Variants in NIBAN3 observed in about 807,000 individuals in gnomAD.
NIBAN3 encodes protein Niban 3.
A neutral mutation model predicts 76.4 loss-of-function variants in NIBAN3; 66 were observed. The ratio of observed to expected loss-of-function variants is 0.86; its 90% CI spans 0.71 to 1.06. The LOEUF is 1.06. NIBAN3 is among the 50% of genes least tolerant of loss of function. NIBAN3 has a pLI of 0.00. For missense variants in NIBAN3, 808 were observed against 810.7 expected, an observed-to-expected ratio of 1.00 and a Z score of 0.04; for synonymous variants, 360 against 355.2, an observed-to-expected ratio of 1.01 and a Z score of -0.15.
chr19:17,551,666 C>T (rs898781096), intron 14 of NIBAN3, 120 bp from the exon 15 acceptor site: 1 of 550,018 alleles, frequency 1.8e-6, no homozygotes, highest in Non-Finnish European at 3.4e-6. Flanking sequence ...GCTGGGATTA[C>T]AGGCATGAGC....
intron 1 of NIBAN3, among the ~76,000 whole-genome samples, chr19:17,530,531 CAAAAAAAA>C (rs558680407): frequency 8.6e-5 from 4 of 46,362 alleles, no homozygotes; most frequent in Non-Finnish European, 1.4e-4. Context: ...GACTCCATCT[CAAAAAAAA>C]AAAAAAAAAA....
rs370554838 is a variant in NIBAN3 at position 17,540,592 on chromosome 19, C to A, written c.1170+10C>A. The A allele has an allele frequency of 6.6e-5, 98 of 1,475,068 alleles. No homozygotes were observed. In the African/African-American group the frequency reaches 1.2e-3, roughly 18 times the overall value. 91.4% of individuals were successfully genotyped at this position (1,475,068 alleles called of 1,614,324 possible). ...GCGGCTGCGCAGGGAGGTGAGCTCCCGTGGGTAGGGGTTCAGTGAGCCAGA... is the reference window on the plus strand; with the variant it reads ...GCGGCTGCGCAGGGAGGTGAGCTCCAGTGGGTAGGGGTTCAGTGAGCCAGA... On this transcript the variant is annotated intron_variant, in intron 9 of 14. Transcript: ENST00000599164.
chr19:17,532,832 G>T (rs951333805), intron 3 of NIBAN3, among the ~76,000 whole-genome samples: 1 of 152,210 alleles, frequency 6.6e-6, no homozygotes, highest in South Asian at 2.1e-4. Flanking sequence ...TGGGGAGCCC[G>T]TGGGTGCTGG....
At chr19:17,551,519 T>C (rs2076156553) in intron 14 of NIBAN3, among the ~76,000 whole-genome samples, 2 of 152,022 alleles carry the variant, frequency 1.3e-5, no homozygotes. Flanking sequence ...GCGATTCTCA[T>C]GCCTCAGCCT....
rs1443741786 is a variant in NIBAN3, at chr19:17,539,400, C to A, written c.765C>A (p.Thr255=). Reference sequence around the variant, plus strand: ...AACTTCCCGCGCTGCGAGCCCAGACCCTTCCTGGCCTGCGGGGGGCAGGCC... The same window carrying A: ...AACTTCCCGCGCTGCGAGCCCAGACACTTCCTGGCCTGCGGGGGGCAGGCC... The part of the protein sequence containing the change: ...REQLPALRAQ[T]LPGLRGAGRA... The change falls in exon 7 of 15, where the codon ACC becomes ACA. Residue 255 remains threonine (T), a synonymous_variant. Transcript: ENST00000599164. 5.2e-6 allele frequency: 8 copies of A among 1,533,440 alleles called. No homozygotes were observed. The African/African-American group carries it at 5.5e-5, about 11-fold the overall frequency. The allele number at this position is 1,533,440 out of a possible 1,614,324, so 95.0% of individuals were successfully genotyped here.
At chr19:17,539,886 G>T in intron 8 of NIBAN3, 121 bp downstream of exon 8, 1 of 742,312 alleles carries the variant, frequency 1.3e-6, no homozygotes, top group Admixed American at 3.0e-5. Context: ...TCAGAGAGGG[G>T]CGGGGCCAAG....
chr19:17,531,523 A>G (rs1001060599), intron 2 of NIBAN3, among the ~76,000 whole-genome samples: 3 of 152,080 alleles, frequency 2.0e-5, no homozygotes, highest in Non-Finnish European at 4.4e-5. Flanking sequence ...TTAGCATATC[A>G]TGATGTGGAA....
intron 2 of NIBAN3, among the ~76,000 whole-genome samples, chr19:17,531,768 A>G (rs1421792497): frequency 2.0e-5 from 3 of 152,086 alleles, no homozygotes; most frequent in African/African-American, 7.2e-5. Context: ...TCCTGACCTC[A>G]AGTGATCTCC....
upstream of NIBAN3, among the ~76,000 whole-genome samples, chr19:17,525,289 T>A (rs2075593046): frequency 6.6e-6 from 1 of 152,180 alleles, no homozygotes; most frequent in Non-Finnish European, 1.5e-5. Flanking sequence ...TGATCACATT[T>A]CCGCTTGGAG....
chr19:17,534,641 A>G (rs2075790990), intron 4 of NIBAN3, among the ~76,000 whole-genome samples: 1 of 152,126 alleles, frequency 6.6e-6, no homozygotes, highest in African/African-American at 2.4e-5. Flanking sequence ...AATACAAAAA[A>G]TTAGCCAGTT....
rs779217654 is a variant in NIBAN3 at position 17,539,161 on chromosome 19, A to C, written c.607A>C (p.Ser203Arg). Reference protein sequence around the residue: ...IRLQGIVLQRSQAPAARAFLD... With the variant: ...IRLQGIVLQRRQAPAARAFLD... ...GCAGCCCCTCTCAGTCCTGCAGCGA[A>C]GCCAGGCCCCTGCTGCCCGGGCCTT... The change falls in exon 6 of 15, where the codon AGC becomes CGC. Residue 203 changes from serine (S) to arginine (R), a missense_variant. Transcript: ENST00000599164. The C allele has an allele frequency of 1.3e-6, 2 of 1,593,330 alleles. No homozygotes were observed. The highest frequency in any genetic ancestry group is 2.3e-5 in the South Asian group (2 of 88,190).
chr19:17,549,962 G>A lies in NIBAN3; in HGVS notation c.1750+435G>A, dbSNP rs116659373. Among the ~76,000 whole-genome samples, 965 of 151,998 alleles carry A rather than the reference G, an allele frequency of 6.3e-3. 10 individuals carry two copies. Among genetic ancestry groups the A allele is most frequent in the African/African-American group, 0.021 (876 of 41,500 alleles). On this transcript the variant is annotated intron_variant, in intron 14 of 14. Transcript: ENST00000599164. Reference sequence around the variant, plus strand: ...CTCCCGAGTAGCTGGGACTACAGGCGGCACATGCCACCATGCCCAGCTAAT... The same window carrying A: ...CTCCCGAGTAGCTGGGACTACAGGCAGCACATGCCACCATGCCCAGCTAAT...
Position 17,533,687 on chromosome 19 carries a change from G to A in NIBAN3, c.413G>A (p.Cys138Tyr). ...REYLRLLDALCPESLGDHTQE... is the reference protein window; with the variant it reads ...REYLRLLDALYPESLGDHTQE... ...TATCTCCGCCTTTTGGATGCTCTCT[G>A]CCCTGAATCCTTGGGTAAGGGTCCC... Residue 138 changes from cysteine (C) to tyrosine (Y), a missense_variant, in exon 4 of 15, where the codon TGC becomes TAC. Transcript: ENST00000599164. 2 of 1,613,546 alleles carry A rather than the reference G, an allele frequency of 1.2e-6. No homozygotes were observed. Among genetic ancestry groups the A allele is most frequent in the Non-Finnish European group, 1.7e-6 (2 of 1,179,724 alleles).
intron 1 of NIBAN3, among the ~76,000 whole-genome samples, chr19:17,529,256 T>C (rs1409361648): frequency 6.6e-6 from 1 of 152,072 alleles, no homozygotes; most frequent in Non-Finnish European, 1.5e-5. Flanking sequence ...AGCACTGGGA[T>C]TTTTTTCCCC....
upstream of NIBAN3, among the ~76,000 whole-genome samples, chr19:17,525,365 T>G (rs1599697777): frequency 6.7e-6 from 1 of 150,158 alleles, no homozygotes; most frequent in South Asian, 2.1e-4. Context: ...ATTCATTCAT[T>G]CATGCACACG....
At chr19:17,547,069 G>A (rs1028135102) in intron 13 of NIBAN3, among the ~76,000 whole-genome samples, 3 of 152,034 alleles carry the variant, frequency 2.0e-5, no homozygotes, top group African/African-American at 7.2e-5. Flanking sequence ...ACTACTGATA[G>A]AGGCTGGGTG....
chr19:17,547,224 C>G (rs2023751141), intron 13 of NIBAN3, among the ~76,000 whole-genome samples: 1 of 151,316 alleles, frequency 6.6e-6, no homozygotes, highest in Admixed American at 6.6e-5. Context: ...CATGATGGCA[C>G]ATGCCTGTAG....
chr19:17,553,552 C>T lies in NIBAN3; in HGVS notation c.*1654C>T. 6.2e-7 allele frequency: 1 copy of T among 1,613,988 alleles called. No homozygotes were observed. On this transcript the variant is annotated 3_prime_UTR_variant, in exon 15 of 15. Transcript: ENST00000599164. ...TTCTGTCTGGAGTTTTCGGCCTACC[C>T]CAAGACAATGAGATATTCCTGACCT...
chr19:17,541,553 T>C (rs1270530094), intron 9 of NIBAN3, among the ~76,000 whole-genome samples: 1 of 152,218 alleles, frequency 6.6e-6, no homozygotes, highest in African/African-American at 2.4e-5. Context: ...CCAGGAAATG[T>C]GCTCATTTCC....
Sources: gnomAD v4.1 joint callset for allele counts (sites outside exome capture counted in the v4.1 genomes callset) on GRCh38, gnomAD v4.1.1 for gene constraint, MANE v1.5 for transcripts, NCBI Gene and HGNC (gene_info 2026-07-23, HGNC 2026-07-21) for gene names.